Variants in ITPR1 observed in about 807,000 individuals in gnomAD.
The protein encoded by ITPR1 is inositol 1,4,5-trisphosphate-gated calcium channel ITPR1.
In ITPR1, 96 loss-of-function variants were observed where a neutral mutation model predicts 318.4. The ratio of observed to expected loss-of-function variants is 0.30; its 90% CI spans 0.26 to 0.36. ITPR1 has a LOEUF of 0.36. ITPR1 is among the 10% of genes least tolerant of loss of function. The pLI is 1.00. For synonymous variants in ITPR1, 1,312 were observed against 1,289.9 expected, an observed-to-expected ratio of 1.02 and a Z score of -0.37; for missense variants, 2,440 against 3,460.2, an observed-to-expected ratio of 0.71 and a Z score of 7.40.
At chr3:4,830,902 C>T (rs1328029725) in intron 60 of ITPR1, 1 of 456,332 alleles carries the variant, frequency 2.2e-6, no homozygotes, top group South Asian at 1.5e-5. Context: ...ATAAAAGATT[C>T]CACAAAAATG....
At chr3:4,743,013 G>C (rs1484437722) in intron 44 of ITPR1, among the ~76,000 whole-genome samples, 5 of 152,218 alleles carry the variant, frequency 3.3e-5, no homozygotes, top group African/African-American at 1.2e-4. Context: ...ATTTAGGTTG[G>C]TGCAAAAGTA....
At chr3:4,697,412 A>T in intron 34 of ITPR1, 140 bp downstream of exon 34, 1 of 639,584 alleles carries the variant, frequency 1.6e-6, no homozygotes, top group Non-Finnish European at 2.4e-6. Context: ...AATCCGTGGC[A>T]TGAGGAGGCA....
At chr3:4,504,261 A>T (rs2081244292) in intron 2 of ITPR1, among the ~76,000 whole-genome samples, 1 of 152,176 alleles carries the variant, frequency 6.6e-6, no homozygotes, top group Admixed American at 6.5e-5. Flanking sequence ...GACATGTCTG[A>T]AAAAGCGAGT....
chr3:4,765,731 G>C (rs1453510445), intron 44 of ITPR1, among the ~76,000 whole-genome samples: 1 of 152,038 alleles, frequency 6.6e-6, no homozygotes, highest in Non-Finnish European at 1.5e-5. Flanking sequence ...CGTGGTGTTT[G>C]CAAAGGGGTG....
chr3:4,597,255 T>C (rs1005220256), intron 4 of ITPR1, among the ~76,000 whole-genome samples: 3 of 152,214 alleles, frequency 2.0e-5, no homozygotes, highest in Admixed American at 6.5e-5. Flanking sequence ...GTAGGCCAGA[T>C]AGAATGTTGT....
intron 60 of ITPR1, among the ~76,000 whole-genome samples, chr3:4,835,049 C>G (rs952707062): frequency 6.6e-6 from 1 of 152,172 alleles, no homozygotes; most frequent in Non-Finnish European, 1.5e-5. Context: ...GTCTACTATG[C>G]TCTAGTCAGT....
chr3:4,738,030 TA>T (rs1201849158), intron 44 of ITPR1, among the ~76,000 whole-genome samples: 5 of 152,156 alleles, frequency 3.3e-5, no homozygotes, highest in African/African-American at 9.6e-5. Context: ...TGGACACTTA[TA>T]GGGGGAACGA....
intron 54 of ITPR1, among the ~76,000 whole-genome samples, chr3:4,802,973 A>C (rs2048334687): frequency 6.6e-6 from 1 of 152,176 alleles, no homozygotes; most frequent in African/African-American, 2.4e-5. Flanking sequence ...TTGCTATAAA[A>C]TGCCTGAGAC....
intron 4 of ITPR1, among the ~76,000 whole-genome samples, chr3:4,601,461 C>T (rs755464593): frequency 2.0e-5 from 3 of 150,368 alleles, no homozygotes; most frequent in Admixed American, 6.6e-5. Context: ...CGAGGCTGCA[C>T]TGCACTGTAG....
At chr3:4,663,391 A>C (rs1429017579) in intron 16 of ITPR1, among the ~76,000 whole-genome samples, 185 bp downstream of exon 16, 1 of 152,108 alleles carries the variant, frequency 6.6e-6, no homozygotes, top group Non-Finnish European at 1.5e-5. Flanking sequence ...ACAGAGAGAG[A>C]GCCTGTCTCA....
chr3:4,595,200 A>G (rs760494348), intron 4 of ITPR1, among the ~76,000 whole-genome samples: 3 of 152,188 alleles, frequency 2.0e-5, no homozygotes, highest in Non-Finnish European at 4.4e-5. Flanking sequence ...AAAGAGGTTT[A>G]ATTAGCTCAT....
chr3:4,523,563 C>A (rs1248988425), intron 4 of ITPR1, among the ~76,000 whole-genome samples: 1 of 152,080 alleles, frequency 6.6e-6, no homozygotes, highest in Non-Finnish European at 1.5e-5. Flanking sequence ...ATCTGTATCC[C>A]TTGGCCAACC....
intron 4 of ITPR1, among the ~76,000 whole-genome samples, chr3:4,592,417 A>G (rs2090463653): frequency 6.6e-6 from 1 of 152,236 alleles, no homozygotes; most frequent in East Asian, 1.9e-4. Context: ...TCGTGAGACC[A>G]TTTTTTCTCT....
Position 4,782,735 on chromosome 3 carries a change from C to G in ITPR1, c.6504C>G (p.Ala2168=). The part of the protein sequence containing the change: ...RNVGHNIYIL[A]HQLARHNKEL... ...TGGGGCACAACATCTACATATTAGC[C>G]CATCAGGTATGATCTCTCCTGTGCC... is the stretch of plus-strand genomic sequence containing the variant. Residue 2168 remains alanine, a synonymous_variant, in exon 50 of 62, where the codon GCC becomes GCG. Coordinates refer to ENST00000649015, the MANE Select transcript of ITPR1 (RefSeq NM_001378452.1). 6.4e-7 allele frequency: 1 copy of G among 1,559,158 alleles called. No individual in the cohort carries two copies. The highest frequency in any genetic ancestry group is 8.7e-7 in the Non-Finnish European group (1 of 1,151,114).
intron 60 of ITPR1, among the ~76,000 whole-genome samples, chr3:4,828,503 TCTC>T (rs1360470044): frequency 6.6e-6 from 1 of 152,210 alleles, no homozygotes; most frequent in East Asian, 1.9e-4. Flanking sequence ...CCCACCTTTT[TCTC>T]CTCCTGTCCT....
chr3:4,507,827 G>T (rs140223705), intron 2 of ITPR1, among the ~76,000 whole-genome samples: 1 of 152,112 alleles, frequency 6.6e-6, no homozygotes, highest in African/African-American at 2.4e-5. Context: ...TTGCTCTTAG[G>T]TTCTGTCATA....
intron 60 of ITPR1, among the ~76,000 whole-genome samples, chr3:4,827,371 C>T (rs2050147966): frequency 6.6e-6 from 1 of 152,216 alleles, no homozygotes; most frequent in Admixed American, 6.5e-5. Flanking sequence ...TAAAAATGCA[C>T]TTATAAAACT....
At chr3:4,517,388 A>G (rs747406919) in intron 3 of ITPR1, among the ~76,000 whole-genome samples, 25 of 152,224 alleles carry the variant, frequency 1.6e-4, no homozygotes, top group Non-Finnish European at 3.1e-4. Flanking sequence ...GCTGGACTCA[A>G]ATAAATTGGG....
chr3:4,599,303 G>A (rs2091091472), intron 4 of ITPR1, among the ~76,000 whole-genome samples: 1 of 152,170 alleles, frequency 6.6e-6, no homozygotes, highest in Admixed American at 6.5e-5. Flanking sequence ...GCAGCTCATA[G>A]GCTGACTCCT....
Sources: allele counts gnomAD v4.1 joint callset (sites outside exome capture counted in the v4.1 genomes callset), GRCh38; gene constraint gnomAD v4.1.1; transcripts MANE v1.5; gene names NCBI Gene and HGNC (gene_info 2026-07-23, HGNC 2026-07-21).